CTIF: variants seen among roughly 807,000 people sequenced by gnomAD.
CTIF encodes the protein CBP80/20-dependent translation initiation factor.
A neutral mutation model predicts 66.0 loss-of-function variants in CTIF; 21 were observed. That is an observed-to-expected ratio of 0.32 (90% confidence interval 0.23 to 0.46). The LOEUF is 0.46. Among genes scored for constraint, CTIF ranks in the 20% least tolerant of loss-of-function variants. The probability of loss-of-function intolerance (pLI) is 1.00; values close to 1 mark genes in which losing one functional copy is unlikely to be tolerated. For missense variants in CTIF, 739 were observed against 812.7 expected (o/e 0.91, Z 1.10); for synonymous variants, 345 against 326.4 (o/e 1.06, Z -0.62).
At chr18:48,833,710 AC>A (rs2068745429) in intron 10 of CTIF, among the ~76,000 whole-genome samples, 1 of 152,152 alleles carries the variant, frequency 6.6e-6, no homozygotes, top group Admixed American at 6.5e-5. Context: ...CACTGGCGCC[AC>A]CAAACTCTCC....
At chr18:48,666,585 G>C (rs60209168) in intron 5 of CTIF, among the ~76,000 whole-genome samples, 1 of 152,132 alleles carries the variant, frequency 6.6e-6, no homozygotes, top group Admixed American at 6.5e-5. Flanking sequence ...ACTTGCATCC[G>C]ACTCTCCCAG....
At chr18:48,633,744 C>T (rs1002562924) in intron 2 of CTIF, among the ~76,000 whole-genome samples, 2 of 139,386 alleles carry the variant, frequency 1.4e-5, no homozygotes, top group African/African-American at 5.8e-5. Flanking sequence ...AATAAATGTA[C>T]ATATATACTT....
chr18:48,715,238 T>C (rs957589232), intron 7 of CTIF, among the ~76,000 whole-genome samples: 2 of 151,748 alleles, frequency 1.3e-5, no homozygotes, highest in African/African-American at 2.4e-5. Flanking sequence ...TGTGGATGTC[T>C]TTTTTCCATT....
At chr18:48,784,556 G>T (rs1911540019) in intron 9 of CTIF, among the ~76,000 whole-genome samples, 1 of 152,066 alleles carries the variant, frequency 6.6e-6, no homozygotes, top group African/African-American at 2.4e-5. Flanking sequence ...ATGTCTCCTG[G>T]TTGGCATCTT....
intron 9 of CTIF, among the ~76,000 whole-genome samples, chr18:48,794,224 A>T (rs1271776354): frequency 1.3e-5 from 2 of 152,116 alleles, no homozygotes; most frequent in East Asian, 1.9e-4. Flanking sequence ...TACCACTCAC[A>T]TCTTTTGCTG....
chr18:48,744,607 T>C (rs1247451690), intron 7 of CTIF, among the ~76,000 whole-genome samples: 2 of 152,238 alleles, frequency 1.3e-5, no homozygotes, highest in Non-Finnish European at 2.9e-5. Flanking sequence ...GCCCTTTTAC[T>C]GCTAAATATT....
chr18:48,618,796 A>G (rs1473703556), intron 1 of CTIF, among the ~76,000 whole-genome samples: 1 of 152,170 alleles, frequency 6.6e-6, no homozygotes, highest in Non-Finnish European at 1.5e-5. Context: ...TGCCCCAGAG[A>G]GAGGGTGCGA....
intron 1 of CTIF, chr18:48,565,716 C>G (rs2089265257): frequency 6.6e-6 from 1 of 152,292 alleles, no homozygotes; most frequent in Non-Finnish European, 1.5e-5. Flanking sequence ...GCCTGGCACA[C>G]AACCATGCAA....
At chr18:48,664,624 A>C (rs1263236818) in intron 5 of CTIF, 73 bp downstream of exon 5, 1 of 1,321,658 alleles carries the variant, frequency 7.6e-7, no homozygotes, top group African/African-American at 1.4e-5. Context: ...CTCCACAGGG[A>C]GGCTGCTCTG....
intron 1 of CTIF, among the ~76,000 whole-genome samples, chr18:48,553,394 C>T (rs1256529481): frequency 1.3e-5 from 2 of 152,180 alleles, no homozygotes; most frequent in Non-Finnish European, 2.9e-5. Context: ...TGTGTCTTTC[C>T]CTCCATCCTG....
chr18:48,682,387 G>C (rs1397485669), intron 6 of CTIF, among the ~76,000 whole-genome samples: 1 of 152,146 alleles, frequency 6.6e-6, no homozygotes, highest in African/African-American at 2.4e-5. Flanking sequence ...TATCACCTGG[G>C]GACTTGCTAG....
intron 7 of CTIF, among the ~76,000 whole-genome samples, chr18:48,747,367 A>G (rs1479697826): frequency 6.6e-6 from 1 of 152,234 alleles, no homozygotes; most frequent in African/African-American, 2.4e-5. Flanking sequence ...GGGAAACCCC[A>G]GTAGGCAGGC....
At chr18:48,858,651 G>C (rs528091339) in intron 11 of CTIF, among the ~76,000 whole-genome samples, 1 of 152,244 alleles carries the variant, frequency 6.6e-6, no homozygotes, top group South Asian at 2.1e-4. Flanking sequence ...GGCCTGGGGG[G>C]CACTGGCCAG....
intron 1 of CTIF, among the ~76,000 whole-genome samples, chr18:48,570,675 A>AG (rs1367567869): frequency 2.0e-5 from 3 of 152,172 alleles, no homozygotes; most frequent in African/African-American, 7.2e-5. Flanking sequence ...CAAAAGTCGA[A>AG]GGGGAGTTAC....
chr18:48,848,106 T>G (rs538182574), intron 10 of CTIF, among the ~76,000 whole-genome samples: 1 of 152,318 alleles, frequency 6.6e-6, no homozygotes, highest in African/African-American at 2.4e-5. Flanking sequence ...CTCTGCCTCA[T>G]TCTTCCCCCT....
rs559977679 is a variant in CTIF at position 48,606,490 on chromosome 18, CTG to C, written c.-28-13047_-28-13046del. Among the ~76,000 whole-genome samples the C allele has an allele frequency of 5.5e-4, 84 of 152,330 alleles. 4 individuals are homozygous for C. In the South Asian group the frequency reaches 0.017, roughly 31 times the overall value. On this transcript the variant is annotated intron_variant, in intron 1 of 11. Coordinates refer to ENST00000256413, the MANE Select transcript of CTIF (RefSeq NM_014772.3). Reference sequence around the variant, plus strand: ...GAGCTGACTGGCAGGAAGGACAATGCTGAGCTGTGCAGACTCCAGGGGCATGA... The same window carrying C: ...GAGCTGACTGGCAGGAAGGACAATGCAGCTGTGCAGACTCCAGGGGCATGA...
In CTIF at chr18:48,699,927, G is replaced by A. The variant is rs74425220; in HGVS notation, c.508-11692G>A. Among the ~76,000 whole-genome samples the A allele has an allele frequency of 6.0e-3, 920 of 152,354 alleles. 2 individuals are homozygous for A. Among genetic ancestry groups the A allele is most frequent in the African/African-American group, 0.02 (852 of 41,576 alleles). Reference sequence around the variant, plus strand: ...GGGCACCTGGATCTGCATTGCTGCAGTCCCCCAGCTCTCCAATTCCACGTG... The same window carrying A: ...GGGCACCTGGATCTGCATTGCTGCAATCCCCCAGCTCTCCAATTCCACGTG... On this transcript the variant is annotated intron_variant, in intron 6 of 11. Coordinates refer to ENST00000256413, the MANE Select transcript of CTIF (RefSeq NM_014772.3).
chr18:48,836,590 C>T (rs949173942), intron 10 of CTIF, among the ~76,000 whole-genome samples: 1 of 152,240 alleles, frequency 6.6e-6, no homozygotes, highest in Non-Finnish European at 1.5e-5. Flanking sequence ...CCCACCAGGT[C>T]CCCCTGGACT....
intron 3 of CTIF, among the ~76,000 whole-genome samples, chr18:48,659,163 G>T (rs1164563344): frequency 6.6e-6 from 1 of 152,090 alleles, no homozygotes; most frequent in South Asian, 2.1e-4. Flanking sequence ...AAACCCCAAG[G>T]AGGTGTCCAG....
Sources: gnomAD v4.1 joint callset for allele counts (sites outside exome capture counted in the v4.1 genomes callset) on GRCh38, gnomAD v4.1.1 for gene constraint, MANE v1.5 for transcripts, NCBI Gene and HGNC (gene_info 2026-07-23, HGNC 2026-07-21) for gene names.